FAM53B: variants seen among roughly 807,000 people sequenced by gnomAD.
FAM53B encodes protein FAM53B.
Under a neutral mutation model 32.7 loss-of-function variants are expected in FAM53B, and 12 were observed. The observed-to-expected ratio is 0.37, with a 90% CI of 0.24 to 0.59. The LOEUF (loss-of-function observed/expected upper bound fraction) is 0.59, where lower values mean the gene tolerates loss of function less well. Ranked by LOEUF, FAM53B falls within the 20% of genes least tolerant of loss-of-function variation. The probability of loss-of-function intolerance (pLI) is 0.72; values close to 1 mark genes in which losing one functional copy is unlikely to be tolerated. For missense variants in FAM53B, 477 were observed against 577.7 expected (o/e 0.83, Z 1.79); for synonymous variants, 234 against 228.7 (o/e 1.02, Z -0.21).
chr10:124,721,676 A>C (rs1203165167), intron 1 of FAM53B, among the ~76,000 whole-genome samples: 1 of 152,248 alleles, frequency 6.6e-6, no homozygotes, highest in Admixed American at 6.5e-5. Context: ...CTTGCCTTTC[A>C]CAAGGGGGAA....
intron 3 of FAM53B, among the ~76,000 whole-genome samples, chr10:124,694,396 C>T (rs939556620): frequency 1.3e-5 from 2 of 152,282 alleles, no homozygotes; most frequent in South Asian, 2.1e-4. Flanking sequence ...CTCCCTTCTC[C>T]GGGGCCTCTG....
chr10:124,645,001 C>T (rs768011931), intron 4 of FAM53B, among the ~76,000 whole-genome samples: 8 of 152,350 alleles, frequency 5.3e-5, no homozygotes, highest in Non-Finnish European at 1.0e-4. Context: ...TGACTGTCAC[C>T]TGCAGGGCTG....
chr10:124,661,329 G>A lies in FAM53B; in HGVS notation c.906+20278C>T, dbSNP rs965722535. Among the ~76,000 whole-genome samples, 115 of 152,166 alleles carry A rather than the reference G, an allele frequency of 7.6e-4. 7 individuals carry two copies. Among genetic ancestry groups the A allele is most frequent in the Non-Finnish European group, 2.9e-5 (2 of 68,036 alleles). On this transcript the variant is annotated intron_variant, in intron 4 of 4. Transcript: ENST00000337318. ...TCTGTCCTCTGTGAGTGTTCCCCAG[G>A]TCATGCTGTGATGAGAATGGTCCCC...
intron 1 of FAM53B, among the ~76,000 whole-genome samples, chr10:124,723,841 T>C (rs865938522): frequency 2.3e-4 from 35 of 152,216 alleles, no homozygotes; most frequent in African/African-American, 7.7e-4. Flanking sequence ...CATGTGACGC[T>C]GCGCTCCTTA....
At chr10:124,714,441 C>T (rs1950025870) in intron 1 of FAM53B, among the ~76,000 whole-genome samples, 1 of 152,056 alleles carries the variant, frequency 6.6e-6, no homozygotes, top group South Asian at 2.1e-4. Flanking sequence ...CCAGCACCAC[C>T]CTCAACACAC....
intron 2 of FAM53B, 91 bp downstream of exon 2, chr10:124,706,545 T>A: frequency 6.5e-7 from 1 of 1,538,038 alleles, no homozygotes; most frequent in Admixed American, 1.7e-5. Flanking sequence ...TGGACTCGAT[T>A]TGCTAAGCTT....
At chr10:124,732,431 A>G (rs972142815) in intron 1 of FAM53B, among the ~76,000 whole-genome samples, 1 of 152,202 alleles carries the variant, frequency 6.6e-6, no homozygotes, top group Non-Finnish European at 1.5e-5. Context: ...TCCTCAGGTG[A>G]GCAGACGGAC....
At chr10:124,657,146 A>G (rs939551362) in intron 4 of FAM53B, among the ~76,000 whole-genome samples, 1 of 136,740 alleles carries the variant, frequency 7.3e-6, no homozygotes, top group Non-Finnish European at 1.6e-5. Context: ...ATACATATAT[A>G]TGTGTATATA....
rs571364156 is a variant in FAM53B at position 124,727,083 on chromosome 10, A to T, written c.-175+16930T>A. On this transcript the variant is annotated intron_variant, in intron 1 of 4. Transcript: ENST00000337318. ...ACCCAGGCTGGAGTGCAGTGGCACG[A>T]TCTTGGCTCACTGCAACGTCCGCCT... Among the ~76,000 whole-genome samples the T allele has an allele frequency of 7.3e-4, 111 of 152,278 alleles. 3 individuals carry two copies. In the South Asian group the frequency reaches 0.022, roughly 30 times the overall value.
Position 124,682,491 on chromosome 10 carries a change from G to A in FAM53B, c.134-112C>T, listed in dbSNP as rs1949779932. The A allele has an allele frequency of 2.1e-6, 2 of 950,468 alleles. No individual in the cohort carries two copies. The highest frequency in any genetic ancestry group is 3.1e-6 in the Non-Finnish European group (2 of 652,728). The allele number at this position is 950,468 out of a possible 1,614,324, so 58.9% of individuals were successfully genotyped here. On this transcript the variant is annotated intron_variant, in intron 3 of 4. Coordinates refer to ENST00000337318, the MANE Select transcript of FAM53B (RefSeq NM_014661.4). The surrounding 1 kb of genome is among the most constrained non-coding windows in gnomAD (Gnocchi z 5.2). ...AAACACAGTATCTTAGAGCCAAAAG[G>A]CCCTTAGAAACCATCCAGTCCAACC...
At chr10:124,660,178 G>C (rs1249605256) in intron 4 of FAM53B, among the ~76,000 whole-genome samples, 1 of 152,180 alleles carries the variant, frequency 6.6e-6, no homozygotes, top group Admixed American at 6.5e-5. Context: ...TCACGTTTGG[G>C]TTTCGTTCCA....
intron 3 of FAM53B, among the ~76,000 whole-genome samples, chr10:124,686,485 G>A (rs1057057675): frequency 2.0e-5 from 3 of 152,142 alleles, no homozygotes; most frequent in Non-Finnish European, 1.5e-5. Context: ...GGCCTGGACC[G>A]TTCTTTTCCT....
chr10:124,715,943 G>A (rs1462536873), intron 1 of FAM53B, among the ~76,000 whole-genome samples: 1 of 152,208 alleles, frequency 6.6e-6, no homozygotes, highest in Non-Finnish European at 1.5e-5. Flanking sequence ...CTCATAAATT[G>A]GATAAAAGCA....
intron 4 of FAM53B, among the ~76,000 whole-genome samples, chr10:124,664,218 C>T (rs1170503280): frequency 1.3e-5 from 2 of 152,110 alleles, no homozygotes; most frequent in African/African-American, 4.8e-5. Context: ...GGCTGCCTGA[C>T]ACCAGCAGAT....
At chr10:124,714,745 C>T (rs1377607123) in intron 1 of FAM53B, among the ~76,000 whole-genome samples, 1 of 123,536 alleles carries the variant, frequency 8.1e-6, no homozygotes, top group Non-Finnish European at 1.6e-5. Context: ...GGTGACAGAG[C>T]GAGACTCCAC....
In FAM53B at chr10:124,621,334, C is replaced by T. The variant is rs1046583078; in HGVS notation, c.*1908G>A. 1.3e-5 allele frequency: 2 copies of T among 152,354 alleles called. No individual in the cohort carries two copies. Among genetic ancestry groups the T allele is most frequent in the African/African-American group, 4.8e-5 (2 of 41,472 alleles). The allele number at this position is 152,354 out of a possible 1,614,324, so 9.4% of individuals were successfully genotyped here. ...CACATTTGCTCTAAGAAGACATGGT[C>T]TCCATGACCCCCAGGCAGGGACAGG... On this transcript the variant is annotated 3_prime_UTR_variant, in exon 5 of 5. Coordinates refer to ENST00000337318, the MANE Select transcript of FAM53B (RefSeq NM_014661.4).
At chr10:124,649,873 C>T (rs141001019) in intron 4 of FAM53B, among the ~76,000 whole-genome samples, 17 of 152,274 alleles carry the variant, frequency 1.1e-4, no homozygotes, top group South Asian at 1.0e-3. Context: ...TCCCAGGAAA[C>T]GCGCCATTCA....
chr10:124,693,114 G>T (rs1163597988), intron 3 of FAM53B, among the ~76,000 whole-genome samples: 2 of 152,174 alleles, frequency 1.3e-5, no homozygotes, highest in African/African-American at 4.8e-5. Flanking sequence ...TCCAGCGCTG[G>T]AAGGGCCCAA....
chr10:124,669,931 GGGTGGGTGAGGATT>G, intron 4 of FAM53B, among the ~76,000 whole-genome samples: 1 of 150,770 alleles, frequency 6.6e-6, no homozygotes, highest in Non-Finnish European at 1.5e-5. Flanking sequence ...GAGGATTACA[GGGTGGGTGAGGATT>G]ACAGGGTGGG....
Sources: gnomAD v4.1 joint callset for allele counts (sites outside exome capture counted in the v4.1 genomes callset) on GRCh38, gnomAD v4.1.1 for gene constraint, Gnocchi (gnomAD v3.1) non-coding constraint, MANE v1.5 for transcripts, NCBI Gene and HGNC (gene_info 2026-07-23, HGNC 2026-07-21) for gene names.